Variants in ADAMTSL3 observed in about 807,000 individuals in gnomAD.
ADAMTSL3 encodes ADAMTS like 3, also known as ADAMTS-like protein 3.
A neutral mutation model predicts 201.7 loss-of-function variants in ADAMTSL3; 128 were observed. The ratio of observed to expected loss-of-function variants is 0.63; its 90% CI spans 0.55 to 0.73. The LOEUF (loss-of-function observed/expected upper bound fraction) is 0.73. Among genes scored for constraint, ADAMTSL3 ranks in the 30% least tolerant of loss-of-function variants. The pLI is 0.00. For missense variants in ADAMTSL3, 1,990 were observed against 2,119.6 expected, an observed-to-expected ratio of 0.94 and a Z score of 1.20; for synonymous variants, 738 against 748.4, an observed-to-expected ratio of 0.99 and a Z score of 0.23.
intron 10 of ADAMTSL3, 78 bp from the exon 11 acceptor site, chr15:83,890,031 G>C (rs2065473392): frequency 6.8e-7 from 1 of 1,465,352 alleles, no homozygotes; most frequent in African/African-American, 1.4e-5. Flanking sequence ...AAAAAAAAAA[G>C]TGTGTGGCAA....
intron 9 of ADAMTSL3, 104 bp downstream of exon 9, chr15:83,871,063 TA>T (rs2065071539): frequency 7.6e-7 from 1 of 1,310,220 alleles, no homozygotes; most frequent in South Asian, 1.3e-5. Flanking sequence ...CATTGTTTTT[TA>T]TACAGAGCAT....
intron 4 of ADAMTSL3, among the ~76,000 whole-genome samples, chr15:83,800,960 T>C (rs915243317): frequency 6.6e-6 from 1 of 152,184 alleles, no homozygotes; most frequent in Non-Finnish European, 1.5e-5. Flanking sequence ...ACCTTTTCAA[T>C]AGGCATAGCT....
intron 7 of ADAMTSL3, among the ~76,000 whole-genome samples, chr15:83,851,332 C>T (rs1233275105): frequency 6.6e-6 from 1 of 152,144 alleles, no homozygotes; most frequent in Non-Finnish European, 1.5e-5. Context: ...CCCAGAAGAA[C>T]ATTTTCCTCA....
chr15:83,996,935 A>G (rs2141849493), intron 23 of ADAMTSL3, among the ~76,000 whole-genome samples: 2 of 152,278 alleles, frequency 1.3e-5, no homozygotes, highest in South Asian at 4.2e-4. Context: ...TTAAAATAGA[A>G]GTGAGATTCC....
At chr15:83,878,832 G>A (rs991814777) in intron 9 of ADAMTSL3, among the ~76,000 whole-genome samples, 6 of 151,988 alleles carry the variant, frequency 3.9e-5, no homozygotes, top group Admixed American at 2.6e-4. Context: ...TATAAAACAA[G>A]TTTAGAAGTG....
At chr15:84,027,524 C>A (rs1366732568) in intron 27 of ADAMTSL3, among the ~76,000 whole-genome samples, 3 of 152,058 alleles carry the variant, frequency 2.0e-5, no homozygotes, top group Non-Finnish European at 4.4e-5. Flanking sequence ...TCCTCGCTAA[C>A]ATGGTGAAAC....
chr15:83,892,666 T>A lies in ADAMTSL3; in HGVS notation c.1263-18T>A. The A allele has an allele frequency of 6.3e-7, 1 of 1,593,168 alleles. No homozygotes were observed. Among genetic ancestry groups the A allele is most frequent in the South Asian group, 1.1e-5 (1 of 87,994 alleles). On this transcript the variant is annotated intron_variant, in intron 12 of 29. Coordinates refer to ENST00000286744, the MANE Select transcript of ADAMTSL3 (RefSeq NM_207517.3). ...AAACAACAAATAAATAATATAATTT[T>A]ATTTGTTTGCTTTTGAGCTGGGAAC...
chr15:83,992,603 C>T (rs2067601255), intron 23 of ADAMTSL3, among the ~76,000 whole-genome samples: 1 of 152,192 alleles, frequency 6.6e-6, no homozygotes. Context: ...TTAAGAGAAA[C>T]CTCAGCTTTC....
In ADAMTSL3 at chr15:83,892,670, T is replaced by C. The variant is rs557903301; in HGVS notation, c.1263-14T>C. On this transcript the variant is annotated splice_polypyrimidine_tract_variant and intron_variant, in intron 12 of 29. Transcript: ENST00000286744. ...AACAAATAAATAATATAATTTTATT[T>C]GTTTGCTTTTGAGCTGGGAACATAA... 14 of 1,602,310 alleles carry C rather than the reference T, an allele frequency of 8.7e-6. No individual in the cohort carries two copies. The African/African-American group carries it at 1.9e-4, about 21-fold the overall frequency.
At chr15:83,939,858 G>A (rs1282130016) in intron 17 of ADAMTSL3, among the ~76,000 whole-genome samples, 4 of 152,088 alleles carry the variant, frequency 2.6e-5, no homozygotes, top group African/African-American at 9.7e-5. Context: ...CTGACCTCAG[G>A]TGACCTGCCC....
At chr15:83,864,051 A>G (rs1177240520) in intron 8 of ADAMTSL3, among the ~76,000 whole-genome samples, 2 of 152,228 alleles carry the variant, frequency 1.3e-5, no homozygotes, top group African/African-American at 4.8e-5. Context: ...CACCCTCCCA[A>G]GACTAAACCA....
intron 3 of ADAMTSL3, among the ~76,000 whole-genome samples, chr15:83,749,453 C>G (rs1203215556): frequency 1.3e-5 from 2 of 152,122 alleles, no homozygotes; most frequent in Non-Finnish European, 2.9e-5. Flanking sequence ...ATGGCATAAG[C>G]AAATGCATGC....
intron 17 of ADAMTSL3, among the ~76,000 whole-genome samples, chr15:83,935,243 TA>T (rs574807511): frequency 1.3e-5 from 2 of 152,052 alleles, no homozygotes; most frequent in African/African-American, 4.8e-5. Flanking sequence ...ACTTTTTAAG[TA>T]AAAAAATAGC....
chr15:83,668,354 A>G (rs1021036488), intron 2 of ADAMTSL3, among the ~76,000 whole-genome samples: 1 of 151,970 alleles, frequency 6.6e-6, no homozygotes, highest in Admixed American at 6.6e-5. Flanking sequence ...ATTGAGTATT[A>G]CTGAAGAGAA....
intron 17 of ADAMTSL3, among the ~76,000 whole-genome samples, chr15:83,933,791 T>G (rs1359670686): frequency 1.3e-5 from 2 of 152,208 alleles, no homozygotes; most frequent in Non-Finnish European, 2.9e-5. Context: ...ATCCCAGGCA[T>G]GGCTAAAATG....
At chr15:83,996,458 T>TAAA (rs2067687277) in intron 23 of ADAMTSL3, among the ~76,000 whole-genome samples, 1 of 152,116 alleles carries the variant, frequency 6.6e-6, no homozygotes, top group Non-Finnish European at 1.5e-5. Context: ...AAATAGCTTC[T>TAAA]CTGAATCAAT....
At position 84,037,802 on chromosome 15, in the gene ADAMTSL3, G is replaced by A. The variant is rs750201654; in HGVS notation, c.5072G>A (p.Gly1691Glu). 3 of 1,612,254 alleles carry A rather than the reference G, an allele frequency of 1.9e-6. No homozygotes were observed. The highest frequency in any genetic ancestry group is 3.4e-5 in the Admixed American group (2 of 59,456). The change falls in exon 30 of 30, where the codon GGA (glycine) becomes GAA (glutamate). Residue 1691 changes from glycine (G) to glutamate (E), a missense_variant. Gly to Glu is a moderately conservative substitution (Grantham distance 98). Coordinates refer to ENST00000286744, the MANE Select transcript of ADAMTSL3 (RefSeq NM_207517.3). ...KQRCCQSCQE[G>E] ...AGGTGCTGCCAGTCATGTCAAGAGGGATAAACCTTTGGAGGGGTCATGATG... is the reference window on the plus strand; with the variant it reads ...AGGTGCTGCCAGTCATGTCAAGAGGAATAAACCTTTGGAGGGGTCATGATG...
intron 23 of ADAMTSL3, among the ~76,000 whole-genome samples, chr15:84,009,257 G>T (rs2067961845): frequency 6.6e-6 from 1 of 152,118 alleles, no homozygotes; most frequent in African/African-American, 2.4e-5. Flanking sequence ...GTCACCTACT[G>T]CTCTTTTCCT....
chr15:83,655,531 T>C (rs2061068860), intron 1 of ADAMTSL3, among the ~76,000 whole-genome samples, 198 bp from the exon 2 acceptor site: 1 of 152,232 alleles, frequency 6.6e-6, no homozygotes, highest in Non-Finnish European at 1.5e-5. Context: ...AGCCCTCGCC[T>C]GACTTTGTTG....
Sources: gnomAD v4.1 joint callset for allele counts (sites outside exome capture counted in the v4.1 genomes callset) on GRCh38, gnomAD v4.1.1 for gene constraint, MANE v1.5 for transcripts, NCBI Gene and HGNC (gene_info 2026-07-23, HGNC 2026-07-21) for gene names.